ARID4B: variants seen among roughly 807,000 people sequenced by gnomAD.
ARID4B encodes the protein AT-rich interaction domain 4B.
Under a neutral mutation model 147.5 loss-of-function variants are expected in ARID4B, and 26 were observed. That is an observed-to-expected ratio of 0.18 (90% CI 0.13 to 0.24). The LOEUF is 0.24. Ranked by LOEUF, ARID4B falls within the 10% of genes least tolerant of loss-of-function variation. The pLI, the probability that ARID4B is intolerant of heterozygous loss-of-function variation, is 1.00. For missense variants in ARID4B, 1,179 were observed against 1,511.5 expected (o/e 0.78, Z 3.65); for synonymous variants, 512 against 507.9 (o/e 1.01, Z -0.11).
At position 235,322,882 on chromosome 1, in the gene ARID4B, G is replaced by T. The variant is rs1296683829; in HGVS notation, c.6+4032C>A. ...GGGAGACAAACAAAGGTAGAGGTAGGGGGAGAGAGAGAGAGAACATGTACA... is the reference window on the plus strand; with the variant it reads ...GGGAGACAAACAAAGGTAGAGGTAGTGGGAGAGAGAGAGAGAACATGTACA... On this transcript the variant is annotated intron_variant, in intron 2 of 23. Coordinates refer to ENST00000264183, the MANE Select transcript of ARID4B (RefSeq NM_016374.6). Among the ~76,000 whole-genome samples, 3 of 151,728 alleles carry T rather than the reference G, an allele frequency of 2.0e-5. No individual in the cohort carries two copies. In the East Asian group the frequency reaches 5.8e-4, roughly 29 times the overall value.
At chr1:235,199,142 T>C (rs1271611123) in intron 17 of ARID4B, among the ~76,000 whole-genome samples, 1 of 152,112 alleles carries the variant, frequency 6.6e-6, no homozygotes, top group Non-Finnish European at 1.5e-5. Context: ...CTCTGTATGG[T>C]TTTAAGAAAT....
At chr1:235,230,913 G>A (rs1375381568) in intron 10 of ARID4B, among the ~76,000 whole-genome samples, 200 bp downstream of exon 10, 1 of 143,908 alleles carries the variant, frequency 6.9e-6, no homozygotes, top group Non-Finnish European at 1.5e-5. Flanking sequence ...GCAAGACTCT[G>A]TCTCCAAAAA....
intron 2 of ARID4B, among the ~76,000 whole-genome samples, chr1:235,322,648 T>C (rs1281124085): frequency 1.3e-5 from 2 of 152,200 alleles, no homozygotes; most frequent in Non-Finnish European, 1.5e-5. Flanking sequence ...TAAATAGATA[T>C]GCTAGGAGTT....
chr1:235,222,268 A>G (rs1450249697), intron 13 of ARID4B, among the ~76,000 whole-genome samples: 3 of 152,166 alleles, frequency 2.0e-5, no homozygotes, highest in African/African-American at 7.2e-5. Flanking sequence ...TCAGGCTCTT[A>G]AATCAAAATT....
intron 23 of ARID4B, among the ~76,000 whole-genome samples, chr1:235,170,872 A>G (rs1663293008): frequency 6.9e-6 from 1 of 145,508 alleles, no homozygotes; most frequent in African/African-American, 2.6e-5. Context: ...AGATCGCGCC[A>G]CTGCACTCCA....
intron 2 of ARID4B, among the ~76,000 whole-genome samples, chr1:235,323,040 CTTTTTTT>C (rs779535005): frequency 1.4e-5 from 2 of 139,242 alleles, no homozygotes; most frequent in Non-Finnish European, 3.1e-5. Flanking sequence ...ATATAACCAC[CTTTTTTT>C]TTTTTTTTTT....
intron 11 of ARID4B, among the ~76,000 whole-genome samples, chr1:235,225,795 G>T (rs936807817): frequency 6.6e-6 from 1 of 152,152 alleles, no homozygotes; most frequent in Admixed American, 6.5e-5. Context: ...CTGCTTTAGC[G>T]AGATTGTCTT....
intron 9 of ARID4B, among the ~76,000 whole-genome samples, chr1:235,232,139 G>A (rs1416507083): frequency 1.3e-5 from 2 of 152,124 alleles, no homozygotes; most frequent in African/African-American, 4.8e-5. Context: ...TAAAGGTTGA[G>A]CTGAGTGCAG....
chr1:235,326,991 C>T (rs2103325656), intron 1 of ARID4B, 23 bp from the exon 2 acceptor site: 2 of 1,490,110 alleles, frequency 1.3e-6, no homozygotes, highest in African/African-American at 2.8e-5. Context: ...CAAAAGACAC[C>T]CAGTCAACAC....
At chr1:235,267,900 C>CA (rs538423438) in intron 2 of ARID4B, among the ~76,000 whole-genome samples, 199 of 129,718 alleles carry the variant, frequency 1.5e-3, no homozygotes, top group Middle Eastern at 3.9e-3. Context: ...GACTACGTCT[C>CA]AAAAAAAAAA....
At chr1:235,286,367 A>G (rs1671973718) in intron 2 of ARID4B, among the ~76,000 whole-genome samples, 1 of 152,220 alleles carries the variant, frequency 6.6e-6, no homozygotes, top group South Asian at 2.1e-4. Context: ...CCTATAATGT[A>G]TCAGGTGCTG....
intron 5 of ARID4B, among the ~76,000 whole-genome samples, chr1:235,254,491 A>C (rs1381909741): frequency 1.3e-5 from 2 of 151,968 alleles, no homozygotes; most frequent in Non-Finnish European, 2.9e-5. Context: ...AAATTTAAAA[A>C]GTATAAAAAA....
At chr1:235,297,012 A>G (rs1572181079) in intron 2 of ARID4B, among the ~76,000 whole-genome samples, 1 of 152,138 alleles carries the variant, frequency 6.6e-6, no homozygotes, top group East Asian at 1.9e-4. Flanking sequence ...TTCTTTTTAT[A>G]TATATATTTG....
intron 16 of ARID4B, 152 bp from the exon 17 acceptor site, chr1:235,214,178 T>G: frequency 1.1e-6 from 1 of 929,766 alleles, no homozygotes. Context: ...CATTTTACTA[T>G]TAAAAACTAA....
intron 2 of ARID4B, among the ~76,000 whole-genome samples, chr1:235,262,847 A>G (rs952895395): frequency 2.0e-5 from 3 of 152,256 alleles, no homozygotes; most frequent in Non-Finnish European, 4.4e-5. Flanking sequence ...AATATAATGT[A>G]CAGCACAAGT....
At chr1:235,227,295 C>T (rs1233745934) in intron 11 of ARID4B, among the ~76,000 whole-genome samples, 1 of 152,100 alleles carries the variant, frequency 6.6e-6, no homozygotes, top group Non-Finnish European at 1.5e-5. Flanking sequence ...GAAAGCTTAA[C>T]TTTTACAGTG....
chr1:235,174,355 G>C (rs938231106), intron 22 of ARID4B, among the ~76,000 whole-genome samples: 1 of 152,020 alleles, frequency 6.6e-6, no homozygotes, highest in African/African-American at 2.4e-5. Flanking sequence ...GAAATATCTA[G>C]TCAGTGTTGG....
chr1:235,240,185 A>T, intron 8 of ARID4B, 128 bp downstream of exon 8: 1 of 802,670 alleles, frequency 1.2e-6, no homozygotes, highest in Non-Finnish European at 1.9e-6. Context: ...AAGTAAGCTT[A>T]GTGTGAACTA....
chr1:235,174,331 G>A (rs1558166695), intron 22 of ARID4B, among the ~76,000 whole-genome samples: 1 of 151,972 alleles, frequency 6.6e-6, no homozygotes, highest in Admixed American at 6.5e-5. Flanking sequence ...GAGCCACTGC[G>A]CCCAGCCATA....
Sources: allele counts gnomAD v4.1 joint callset (sites outside exome capture counted in the v4.1 genomes callset), GRCh38; gene constraint gnomAD v4.1.1; transcripts MANE v1.5; gene names NCBI Gene and HGNC (gene_info 2026-07-23, HGNC 2026-07-21).